The following PDE11A variants were observed in gnomAD, a reference collection of about 807,000 sequenced individuals.
PDE11A encodes dual 3',5'-cyclic-AMP and -GMP phosphodiesterase 11A.
A neutral mutation model predicts 100.5 loss-of-function variants in PDE11A; 100 were observed. The observed-to-expected ratio is 1.00, with a 90% CI of 0.85 to 1.18. The LOEUF (loss-of-function observed/expected upper bound fraction) is 1.18, where lower values mean the gene tolerates loss of function less well. Among genes scored for constraint, PDE11A ranks in the 50% most tolerant of loss-of-function variants. The pLI is 0.00. For synonymous variants in PDE11A, 381 were observed against 420.8 expected (o/e 0.91, Z 1.16); for missense variants, 1,141 against 1,152.6 (o/e 0.99, Z 0.15).
At chr2:178,043,780 A>T (rs1042946503) in intron 1 of PDE11A, among the ~76,000 whole-genome samples, 1 of 152,186 alleles carries the variant, frequency 6.6e-6, no homozygotes, top group Non-Finnish European at 1.5e-5. Context: ...CCCATTATAC[A>T]TATGAGGAAA....
At position 177,669,467 on chromosome 2, in the gene PDE11A, A is replaced by G. The variant is rs760327078; in HGVS notation, c.2562+26T>C. ...GAAAATGTCATTCAAAAGGGTAAATACGTTATAATTAAAGGATGAACTCAC... is the reference window on the plus strand; with the variant it reads ...GAAAATGTCATTCAAAAGGGTAAATGCGTTATAATTAAAGGATGAACTCAC... On this transcript the variant is annotated intron_variant, in intron 18 of 19. Coordinates refer to ENST00000286063, the MANE Select transcript of PDE11A (RefSeq NM_016953.4). 1.7e-4 allele frequency: 159 copies of G among 908,698 alleles called. No homozygotes were observed. In the African/African-American group the frequency reaches 2.3e-3, roughly 13 times the overall value. The allele number at this position is 908,698 out of a possible 1,614,324, so 56.3% of individuals were successfully genotyped here.
At chr2:177,731,159 C>A (rs375190419) in intron 10 of PDE11A, among the ~76,000 whole-genome samples, 1 of 151,928 alleles carries the variant, frequency 6.6e-6, no homozygotes, top group African/African-American at 2.4e-5. Flanking sequence ...ATGCATATAC[C>A]ACATTTTTGT....
At chr2:177,674,001 T>G (rs2080727553) in intron 17 of PDE11A, among the ~76,000 whole-genome samples, 1 of 152,336 alleles carries the variant, frequency 6.6e-6, no homozygotes, top group Middle Eastern at 3.4e-3. Context: ...AGCAATTTGT[T>G]GTTTAAAGCC....
At chr2:177,707,048 G>T (rs1295977433) in intron 13 of PDE11A, among the ~76,000 whole-genome samples, 1 of 152,132 alleles carries the variant, frequency 6.6e-6, no homozygotes, top group Non-Finnish European at 1.5e-5. Context: ...CCAATAAACT[G>T]GAAGCTCAAC....
exon 2 of PDE11A, chr2:178,104,328 G>C (rs1559072962): frequency 6.2e-7 from 1 of 1,614,030 alleles, no homozygotes; most frequent in East Asian, 2.2e-5. Flanking sequence ...CTCTGTATAA[G>C]AAAATCCTGG....
In PDE11A at chr2:177,988,836, A is replaced by C. The variant is rs75363218; in HGVS notation, c.1071+25466T>G. ...CTGGTCATATGACAGGTATACAGGC[A>C]GCAAGAAATGTCCATTGAAACTGAG... On this transcript the variant is annotated intron_variant, in intron 2 of 19. Transcript: ENST00000286063. Among the ~76,000 whole-genome samples, 725 of 152,348 alleles carry C rather than the reference A, an allele frequency of 4.8e-3. 6 individuals carry two copies. Among genetic ancestry groups the C allele is most frequent in the African/African-American group, 0.016 (686 of 41,582 alleles).
At chr2:177,784,222 T>C (rs1422689149) in intron 9 of PDE11A, among the ~76,000 whole-genome samples, 1 of 150,316 alleles carries the variant, frequency 6.7e-6, no homozygotes, top group Non-Finnish European at 1.5e-5. Flanking sequence ...TAAAACAGGA[T>C]GTGGTAAAGA....
At chr2:177,791,213 AATG>A (rs1275771333) in intron 9 of PDE11A, among the ~76,000 whole-genome samples, 2 of 152,186 alleles carry the variant, frequency 1.3e-5, no homozygotes, top group South Asian at 4.2e-4. Context: ...AGCCATAAAA[AATG>A]ATGAGTTCAT....
At chr2:177,925,972 T>C (rs1272309240) in intron 2 of PDE11A, among the ~76,000 whole-genome samples, 4 of 152,212 alleles carry the variant, frequency 2.6e-5, no homozygotes, top group Non-Finnish European at 4.4e-5. Flanking sequence ...CCAGCCTGGG[T>C]TCTGTCACAG....
chr2:177,631,592 C>T (rs370664201), intron 19 of PDE11A, among the ~76,000 whole-genome samples: 5 of 23,420 alleles, frequency 2.1e-4, no homozygotes, highest in East Asian at 2.3e-3. Flanking sequence ...TATACACACA[C>T]ATATATATGT....
chr2:177,727,869 C>T (rs2081622894), intron 11 of PDE11A, 104 bp from the exon 12 acceptor site: 1 of 967,668 alleles, frequency 1.0e-6, no homozygotes, highest in Non-Finnish European at 1.7e-6. Context: ...GATCAAAGGC[C>T]TTCCACAAAC....
At chr2:177,634,732 T>G (rs980353206) in intron 19 of PDE11A, among the ~76,000 whole-genome samples, 2 of 152,194 alleles carry the variant, frequency 1.3e-5, no homozygotes, top group African/African-American at 4.8e-5. Context: ...TGCAGTTAGC[T>G]GAGAGAATAT....
intron 4 of PDE11A, among the ~76,000 whole-genome samples, chr2:177,894,804 A>G (rs1027988722): frequency 6.6e-6 from 1 of 152,176 alleles, no homozygotes; most frequent in Non-Finnish European, 1.5e-5. Context: ...TAAGTTCTAG[A>G]TAGAGCCTTA....
intron 3 of PDE11A, among the ~76,000 whole-genome samples, chr2:177,903,650 T>C (rs1201619406): frequency 6.6e-6 from 1 of 152,198 alleles, no homozygotes. Context: ...GTGTGATAAG[T>C]ATTCATAATA....
intron 5 of PDE11A, among the ~76,000 whole-genome samples, chr2:177,866,513 C>T (rs1364389503): frequency 4.6e-5 from 7 of 152,186 alleles, no homozygotes; most frequent in Admixed American, 4.6e-4. Flanking sequence ...ACATTTGTTT[C>T]TCCTGAAAAA....
chr2:177,636,359 T>C (rs2080038402), intron 19 of PDE11A, among the ~76,000 whole-genome samples: 1 of 152,168 alleles, frequency 6.6e-6, no homozygotes, highest in South Asian at 2.1e-4. Context: ...TTTTACTCCC[T>C]CTCTGAAAGA....
Position 177,627,017 on chromosome 2 carries a change from C to CTTTTTTTTTTT in PDE11A, c.*2379_*2389dup, listed in dbSNP as rs768524227. On this transcript the variant is annotated 3_prime_UTR_variant, in exon 20 of 20. Transcript: ENST00000286063. ...TATTCCCCTCTTAGTCTGGTTTATA[C>CTTTTTTTTTTT]TTTTTTTTTTTTTTTTTTTTTTTTT... The CTTTTTTTTTTT allele has an allele frequency of 4.9e-5, 2 of 40,916 alleles. 1 individual carries two copies. The highest frequency in any genetic ancestry group is 2.9e-4 in the African/African-American group (2 of 6,998). The allele number at this position is 40,916 out of a possible 1,614,324, so 2.5% of individuals were successfully genotyped here.
intron 13 of PDE11A, among the ~76,000 whole-genome samples, chr2:177,702,229 C>T (rs1326763176): frequency 6.6e-6 from 1 of 151,848 alleles, no homozygotes; most frequent in Non-Finnish European, 1.5e-5. Flanking sequence ...GCAGGAGAAT[C>T]ACTCGAAACT....
At chr2:177,714,286 C>T (rs980204753) in intron 12 of PDE11A, among the ~76,000 whole-genome samples, 4 of 152,200 alleles carry the variant, frequency 2.6e-5, no homozygotes, top group African/African-American at 9.6e-5. Context: ...AGCCACTACG[C>T]CCAGCCCCCC....
Sources: allele counts gnomAD v4.1 joint callset (sites outside exome capture counted in the v4.1 genomes callset), GRCh38; gene constraint gnomAD v4.1.1; transcripts MANE v1.5; gene names NCBI Gene and HGNC (gene_info 2026-07-23, HGNC 2026-07-21).